Variants in PEBP4 observed in about 807,000 individuals in gnomAD.
PEBP4 encodes phosphatidylethanolamine binding protein 4.
In PEBP4, 22 loss-of-function variants were observed where a neutral mutation model predicts 23.9. That is an observed-to-expected ratio of 0.92 (90% CI 0.66 to 1.31). PEBP4 has a LOEUF of 1.31. Among genes scored for constraint, PEBP4 ranks in the 40% most tolerant of loss-of-function variants. PEBP4 has a pLI of 0.00. For synonymous variants in PEBP4, 112 were observed against 99.3 expected, an observed-to-expected ratio of 1.13 and a Z score of -0.76; for missense variants, 324 against 281.7, an observed-to-expected ratio of 1.15 and a Z score of -1.07.
At chr8:22,824,066 G>C (rs576398280) in intron 3 of PEBP4, among the ~76,000 whole-genome samples, 2 of 152,240 alleles carry the variant, frequency 1.3e-5, no homozygotes, top group South Asian at 4.1e-4. Flanking sequence ...AAGGAGAGAA[G>C]ACCAAAACCA....
intron 3 of PEBP4, among the ~76,000 whole-genome samples, chr8:22,906,365 AT>A (rs1808813434): frequency 1.3e-5 from 2 of 152,266 alleles, no homozygotes; most frequent in South Asian, 4.1e-4. Context: ...TCTGCAAGGG[AT>A]TTGTGCATTC....
chr8:22,747,620 A>AG (rs1805153173), intron 4 of PEBP4: 1 of 36,652 alleles, frequency 2.7e-5, no homozygotes, highest in Non-Finnish European at 5.7e-5. Context: ...GGGGGGCTTG[A>AG]GGGGTGGCAG....
intron 4 of PEBP4, among the ~76,000 whole-genome samples, chr8:22,754,266 C>G (rs1805329668): frequency 6.6e-6 from 1 of 152,060 alleles, no homozygotes. Context: ...TGTGAAAGTC[C>G]CTGGGATAAC....
At chr8:22,778,041 G>A (rs1805849188) in intron 4 of PEBP4, among the ~76,000 whole-genome samples, 2 of 152,242 alleles carry the variant, frequency 1.3e-5, no homozygotes, top group South Asian at 4.1e-4. Context: ...CGAGGCAGAA[G>A]CCCTCCTGGG....
chr8:22,769,096 C>G (rs977570439), intron 4 of PEBP4, among the ~76,000 whole-genome samples: 1 of 152,200 alleles, frequency 6.6e-6, no homozygotes, highest in Non-Finnish European at 1.5e-5. Context: ...CAGGGACGAT[C>G]TCCTTCCCTC....
At chr8:22,770,956 G>A (rs4872010) in intron 4 of PEBP4, among the ~76,000 whole-genome samples, 67,022 of 152,070 alleles carry the variant, frequency 0.44, 15,927 homozygotes, top group Non-Finnish European at 0.52. Flanking sequence ...AAATGGGATT[G>A]AAGTTACTTC....
intron 2 of PEBP4, among the ~76,000 whole-genome samples, chr8:22,921,769 G>A (rs1809205986): frequency 6.6e-6 from 1 of 152,232 alleles, no homozygotes. Flanking sequence ...ACAGCTTTTG[G>A]AGAAGTTTTA....
chr8:22,731,042 C>T (rs1283879110), intron 4 of PEBP4, among the ~76,000 whole-genome samples: 3 of 152,218 alleles, frequency 2.0e-5, no homozygotes, highest in African/African-American at 7.2e-5. Flanking sequence ...CAGACCAAAT[C>T]TCCTTTCCCT....
chr8:22,719,542 A>G (rs1370406705), intron 6 of PEBP4, among the ~76,000 whole-genome samples: 1 of 152,100 alleles, frequency 6.6e-6, no homozygotes, highest in African/African-American at 2.4e-5. Context: ...GCAGGATGCA[A>G]CTGTGCTCTG....
At chr8:22,848,560 A>G (rs898405425) in intron 3 of PEBP4, among the ~76,000 whole-genome samples, 28 of 152,290 alleles carry the variant, frequency 1.8e-4, no homozygotes, top group African/African-American at 6.5e-4. Context: ...CGGTGCTGTC[A>G]GCTCTGCCTG....
chr8:22,750,904 A>G lies in PEBP4; in HGVS notation c.358-23684T>C, dbSNP rs1028734960. On this transcript the variant is annotated intron_variant, in intron 4 of 6. Coordinates refer to ENST00000256404, the MANE Select transcript of PEBP4 (RefSeq NM_144962.3). The stretch of plus-strand genomic sequence containing the variant: ...GAGGAAGAAAGCCAAATTTCTTTTT[A>G]TATGAGATGCATGGATAGGGGGAGA... 1.5e-4 allele frequency among the ~76,000 whole-genome samples: 23 copies of G among 152,338 alleles called. No individual in the cohort carries two copies. The East Asian group carries it at 1.7e-3, about 11-fold the overall frequency.
chr8:22,803,297 G>A (rs776599439), intron 4 of PEBP4, among the ~76,000 whole-genome samples: 19 of 152,096 alleles, frequency 1.2e-4, no homozygotes, highest in African/African-American at 3.4e-4. Context: ...TATCACGTTC[G>A]TATCCCACAG....
At chr8:22,749,802 A>ATTTTTTTTTTTT (rs754912133) in intron 4 of PEBP4, among the ~76,000 whole-genome samples, 2 of 41,586 alleles carry the variant, frequency 4.8e-5, no homozygotes, top group Non-Finnish European at 6.4e-5. Context: ...TCAGTTTGTC[A>ATTTTTTTTTTTT]TTCTTTTTTT....
chr8:22,815,226 C>T (rs1023337497), intron 4 of PEBP4: 16 of 152,192 alleles, frequency 1.1e-4, no homozygotes, highest in Admixed American at 4.6e-4. Context: ...ATGTTAAGAA[C>T]GACCGAGGCA....
intron 4 of PEBP4, among the ~76,000 whole-genome samples, chr8:22,787,831 G>T (rs767073785): frequency 6.6e-6 from 1 of 152,204 alleles, no homozygotes; most frequent in African/African-American, 2.4e-5. Context: ...AAGAAGCTGG[G>T]TCACAGGAGG....
chr8:22,723,205 C>T (rs900563602), intron 6 of PEBP4, among the ~76,000 whole-genome samples: 3 of 152,076 alleles, frequency 2.0e-5, no homozygotes, highest in Non-Finnish European at 4.4e-5. Context: ...TCAGGCCCAG[C>T]GCGTTTTGGC....
intron 6 of PEBP4, among the ~76,000 whole-genome samples, chr8:22,719,069 C>A (rs1413043080): frequency 1.3e-5 from 2 of 152,160 alleles, no homozygotes; most frequent in African/African-American, 4.8e-5. Context: ...CCCTGCCCGT[C>A]TCTCCTCTCT....
Position 22,715,415 on chromosome 8 carries a change from T to C in PEBP4, c.518-1879A>G, listed in dbSNP as rs541338399. ...GTGCACACACATGTGTATGTGTGGG[T>C]GCACGTGTGTGTGCGCACGCGCACA... On this transcript the variant is annotated intron_variant, in intron 6 of 6. Coordinates refer to ENST00000256404, the MANE Select transcript of PEBP4 (RefSeq NM_144962.3). Among the ~76,000 whole-genome samples, 607 of 148,292 alleles carry C rather than the reference T, an allele frequency of 4.1e-3. 2 individuals are homozygous for C. Among genetic ancestry groups the C allele is most frequent in the African/African-American group, 0.014 (579 of 40,838 alleles).
intron 6 of PEBP4, among the ~76,000 whole-genome samples, chr8:22,724,634 G>A (rs1329799881): frequency 6.6e-6 from 1 of 152,334 alleles, no homozygotes; most frequent in Non-Finnish European, 1.5e-5. Context: ...ACTGGTCTGT[G>A]GGACTTACTT....
Sources: allele counts gnomAD v4.1 joint callset (sites outside exome capture counted in the v4.1 genomes callset), GRCh38; gene constraint gnomAD v4.1.1; transcripts MANE v1.5; gene names NCBI Gene and HGNC (gene_info 2026-07-23, HGNC 2026-07-21).